Variants in ZNF804B observed in about 807,000 individuals in gnomAD.
ZNF804B encodes zinc finger protein 804B.
In ZNF804B, 80 loss-of-function variants were observed where a neutral mutation model predicts 101.4. That is an observed-to-expected ratio of 0.79 (90% CI 0.66 to 0.95). ZNF804B has a LOEUF of 0.95. Ranked by LOEUF, ZNF804B falls within the 40% of genes least tolerant of loss-of-function variation. ZNF804B has a pLI of 0.00. For missense variants in ZNF804B, 1,673 were observed against 1,561.9 expected, an observed-to-expected ratio of 1.07 and a Z score of -1.20; for synonymous variants, 622 against 558.8, an observed-to-expected ratio of 1.11 and a Z score of -1.59.
At chr7:89,127,699 C>T (rs1790494045) in intron 1 of ZNF804B, among the ~76,000 whole-genome samples, 1 of 151,532 alleles carries the variant, frequency 6.6e-6, no homozygotes, top group South Asian at 2.1e-4. Flanking sequence ...GAGGTTCACA[C>T]AATTCACATA....
chr7:89,287,736 A>G (rs1790227381), intron 2 of ZNF804B, among the ~76,000 whole-genome samples: 1 of 152,140 alleles, frequency 6.6e-6, no homozygotes, highest in Non-Finnish European at 1.5e-5. Context: ...TGCTGAGGAG[A>G]CACTAAAATT....
At chr7:89,271,466 T>C (rs1231875089) in intron 2 of ZNF804B, among the ~76,000 whole-genome samples, 3 of 152,216 alleles carry the variant, frequency 2.0e-5, no homozygotes, top group Non-Finnish European at 2.9e-5. Context: ...GGATTCAGTT[T>C]GCCAGTATTT....
chr7:89,222,920 A>G (rs982062583), intron 2 of ZNF804B, among the ~76,000 whole-genome samples: 13 of 151,968 alleles, frequency 8.6e-5, no homozygotes, highest in Non-Finnish European at 1.8e-4. Context: ...CTTGGATAAT[A>G]TTGAAATACT....
chr7:88,891,435 T>TATTCAAACCTTAC (rs1792212567), intron 1 of ZNF804B, among the ~76,000 whole-genome samples: 1 of 152,130 alleles, frequency 6.6e-6, no homozygotes, highest in South Asian at 2.1e-4. Flanking sequence ...TCTACCCTAT[T>TATTCAAACCTTAC]ATTCAAACCT....
chr7:88,914,106 T>C (rs540588718), intron 1 of ZNF804B, among the ~76,000 whole-genome samples: 11 of 152,200 alleles, frequency 7.2e-5, no homozygotes, highest in South Asian at 2.1e-4. Flanking sequence ...TGTGGACATA[T>C]GCTCTGCTTA....
intron 1 of ZNF804B, among the ~76,000 whole-genome samples, chr7:88,806,616 GGTGTGTGT>G (rs145554500): frequency 6.7e-6 from 1 of 149,004 alleles, no homozygotes; most frequent in Non-Finnish European, 1.5e-5. Flanking sequence ...TCATTTGAGG[GGTGTGTGT>G]GTGTGTGTGT....
At chr7:88,825,544 T>TA (rs1562804317) in intron 1 of ZNF804B, among the ~76,000 whole-genome samples, 1 of 151,732 alleles carries the variant, frequency 6.6e-6, no homozygotes, top group Non-Finnish European at 1.5e-5. Flanking sequence ...CTGTGTCCTC[T>TA]GTCTCCACAG....
intron 1 of ZNF804B, among the ~76,000 whole-genome samples, chr7:89,136,685 A>C (rs1023620528): frequency 1.3e-5 from 2 of 151,678 alleles, no homozygotes; most frequent in Non-Finnish European, 2.9e-5. Context: ...TTGTTGTAGG[A>C]TGTATCAGAA....
At chr7:89,095,262 C>A (rs762011639) in intron 1 of ZNF804B, among the ~76,000 whole-genome samples, 2 of 152,122 alleles carry the variant, frequency 1.3e-5, no homozygotes, top group African/African-American at 4.8e-5. Flanking sequence ...CTGGAGGATG[C>A]GGTCACAAAA....
chr7:88,780,470 C>A (rs891812141), intron 1 of ZNF804B, among the ~76,000 whole-genome samples: 1 of 145,420 alleles, frequency 6.9e-6, no homozygotes, highest in Admixed American at 7.1e-5. Flanking sequence ...CTCATTGCAG[C>A]CTTGACCTCC....
chr7:89,262,867 G>A (rs189051661), intron 2 of ZNF804B, among the ~76,000 whole-genome samples: 72 of 152,102 alleles, frequency 4.7e-4, no homozygotes, highest in South Asian at 1.5e-3. Flanking sequence ...CAGATATTTG[G>A]ACATATTTTG....
At chr7:89,168,440 A>G (rs1311459370) in intron 1 of ZNF804B, among the ~76,000 whole-genome samples, 1 of 152,082 alleles carries the variant, frequency 6.6e-6, no homozygotes, top group African/African-American at 2.4e-5. Context: ...CTGTAGTTGT[A>G]CTAAGATACT....
intron 2 of ZNF804B, among the ~76,000 whole-genome samples, chr7:89,314,269 A>G (rs988376950): frequency 6.6e-6 from 1 of 152,216 alleles, no homozygotes; most frequent in East Asian, 1.9e-4. Flanking sequence ...CATAAAATTG[A>G]CCATAGACAA....
chr7:89,246,567 C>T (rs1789450491), intron 2 of ZNF804B, among the ~76,000 whole-genome samples: 1 of 152,084 alleles, frequency 6.6e-6, no homozygotes, highest in Non-Finnish European at 1.5e-5. Context: ...AGGAGCTCCT[C>T]TGTGTTTTAT....
intron 2 of ZNF804B, among the ~76,000 whole-genome samples, chr7:89,300,667 A>G (rs1275924564): frequency 6.6e-6 from 1 of 151,906 alleles, no homozygotes; most frequent in African/African-American, 2.4e-5. Context: ...CAGAGTAGAG[A>G]GAATGACAGA....
intron 1 of ZNF804B, among the ~76,000 whole-genome samples, chr7:88,839,507 C>T (rs17164659): frequency 0.026 from 3,955 of 151,878 alleles, 132 homozygotes; most frequent in African/African-American, 0.073. Context: ...TAAGGCCAGG[C>T]GAATCATCTC....
At chr7:89,064,070 G>C (rs1789416328) in intron 1 of ZNF804B, among the ~76,000 whole-genome samples, 1 of 152,120 alleles carries the variant, frequency 6.6e-6, no homozygotes, top group African/African-American at 2.4e-5. Context: ...ATATTTATTA[G>C]AGAAGGAGCT....
chr7:89,120,657 C>CAAAA (rs10636811), intron 1 of ZNF804B, among the ~76,000 whole-genome samples: 10,414 of 103,160 alleles, frequency 0.1, 1,568 homozygotes, highest in African/African-American at 0.32. Context: ...GACTCCGCCT[C>CAAAA]AAAAAAAAAA....
At chr7:89,280,780 A>T (rs1790080550) in intron 2 of ZNF804B, among the ~76,000 whole-genome samples, 3 of 152,208 alleles carry the variant, frequency 2.0e-5, no homozygotes. Context: ...ACCAATCAAA[A>T]AGAGTCCAGG....
Sources: allele counts gnomAD v4.1 joint callset (sites outside exome capture counted in the v4.1 genomes callset), GRCh38; gene constraint gnomAD v4.1.1; transcripts MANE v1.5; gene names NCBI Gene and HGNC (gene_info 2026-07-23, HGNC 2026-07-21).